The following NWD2 variants were observed in gnomAD, a reference collection of about 807,000 sequenced individuals.
NWD2 encodes the protein NACHT and WD repeat domain containing 2.
NWD2 carries 37 observed loss-of-function variants against 132.7 expected under a neutral mutation model. That is an observed-to-expected ratio of 0.28 (90% CI 0.21 to 0.37). The LOEUF is 0.37. NWD2 is among the 10% of genes least tolerant of loss of function. The pLI is 1.00. For synonymous variants in NWD2, 705 were observed against 803.0 expected (o/e 0.88, Z 2.06); for missense variants, 1,592 against 2,122.4 (o/e 0.75, Z 4.91).
chr4:37,365,702 T>A (rs1221227703), intron 3 of NWD2, among the ~76,000 whole-genome samples: 2 of 152,210 alleles, frequency 1.3e-5, no homozygotes, highest in African/African-American at 4.8e-5. Flanking sequence ...CAGTATTTAA[T>A]TGTCTGGTGA....
At chr4:37,415,263 C>T (rs962813201) in intron 3 of NWD2, among the ~76,000 whole-genome samples, 6 of 152,192 alleles carry the variant, frequency 3.9e-5, no homozygotes, top group Non-Finnish European at 7.3e-5. Context: ...ACCTCTCTCA[C>T]TCTCAGATCT....
At chr4:37,352,415 C>G (rs1246691537) in intron 2 of NWD2, among the ~76,000 whole-genome samples, 3 of 151,260 alleles carry the variant, frequency 2.0e-5, no homozygotes, top group African/African-American at 7.3e-5. Context: ...CCTGAATATT[C>G]TTGCTAATTT....
intron 1 of NWD2, among the ~76,000 whole-genome samples, chr4:37,318,065 A>C (rs1577666292): frequency 1.6e-5 from 2 of 125,862 alleles, no homozygotes; most frequent in African/African-American, 3.0e-5. Context: ...CTTGTCTGTC[A>C]CCCAACCTGT....
At chr4:37,406,195 G>A (rs720438) in intron 3 of NWD2, among the ~76,000 whole-genome samples, 23,013 of 152,184 alleles carry the variant, frequency 0.15, 2,223 homozygotes, top group Admixed American at 0.2. Context: ...TGCAGAGTAA[G>A]TGATATTAGA....
chr4:37,434,514 T>C (rs373463017), intron 5 of NWD2, among the ~76,000 whole-genome samples: 323 of 152,114 alleles, frequency 2.1e-3, no homozygotes, highest in African/African-American at 7.4e-3. Flanking sequence ...GTATCAAAAG[T>C]GATTGATAAG....
At chr4:37,290,347 C>G (rs892912996) in intron 1 of NWD2, among the ~76,000 whole-genome samples, 2 of 152,168 alleles carry the variant, frequency 1.3e-5, no homozygotes, top group African/African-American at 4.8e-5. Context: ...GTAGATAGCC[C>G]TGTGCCAGGC....
chr4:37,381,864 G>A (rs1720460912), intron 3 of NWD2, among the ~76,000 whole-genome samples: 2 of 152,208 alleles, frequency 1.3e-5, no homozygotes, highest in Non-Finnish European at 2.9e-5. Context: ...CAACTATGAA[G>A]TAGTTAAGTC....
intron 3 of NWD2, among the ~76,000 whole-genome samples, chr4:37,365,136 G>A (rs865848872): frequency 5.3e-5 from 8 of 152,002 alleles, no homozygotes; most frequent in African/African-American, 1.9e-4. Context: ...ATAATTTTTA[G>A]TAAAAGAAAA....
intron 2 of NWD2, among the ~76,000 whole-genome samples, chr4:37,336,104 T>C (rs191798559): frequency 6.6e-6 from 1 of 152,244 alleles, no homozygotes; most frequent in Admixed American, 6.5e-5. Flanking sequence ...TATGCTCAAG[T>C]CTTTTTAGCT....
At chr4:37,384,840 G>A (rs1720527867) in intron 3 of NWD2, among the ~76,000 whole-genome samples, 1 of 152,132 alleles carries the variant, frequency 6.6e-6, no homozygotes, top group South Asian at 2.1e-4. Context: ...CATAAAAATA[G>A]CCATTCATCT....
intron 1 of NWD2, among the ~76,000 whole-genome samples, chr4:37,275,089 G>A (rs1043799274): frequency 1.3e-5 from 2 of 152,148 alleles, no homozygotes; most frequent in Non-Finnish European, 2.9e-5. Context: ...GGGCAACCAG[G>A]CAGGAGAAGG....
At chr4:37,364,860 A>C (rs1720064758) in intron 3 of NWD2, among the ~76,000 whole-genome samples, 1 of 152,170 alleles carries the variant, frequency 6.6e-6, no homozygotes, top group African/African-American at 2.4e-5. Flanking sequence ...CTACATTTTG[A>C]ACGGGGCCAT....
intron 3 of NWD2, among the ~76,000 whole-genome samples, chr4:37,388,714 T>TC (rs1720622406): frequency 6.8e-6 from 1 of 147,332 alleles, no homozygotes; most frequent in African/African-American, 2.5e-5. Context: ...GATATATAAA[T>TC]ATATATATCA....
intron 3 of NWD2, among the ~76,000 whole-genome samples, chr4:37,385,412 C>G (rs548904095): frequency 2.0e-5 from 3 of 152,136 alleles, no homozygotes; most frequent in Non-Finnish European, 4.4e-5. Flanking sequence ...CCCTGACATA[C>G]CCTCCTATAA....
intron 2 of NWD2, among the ~76,000 whole-genome samples, chr4:37,342,296 G>C (rs1044912361): frequency 6.6e-6 from 1 of 152,044 alleles, no homozygotes; most frequent in African/African-American, 2.4e-5. Flanking sequence ...CTCATTATGT[G>C]ACTCACTTGC....
In NWD2 at chr4:37,277,176, A is replaced by G. The variant is rs1443905375; in HGVS notation, c.151+31958A>G. On this transcript the variant is annotated intron_variant, in intron 1 of 6. Transcript: ENST00000309447. ...GCCATTAATTGTACCGATCCTCTGC[A>G]GTATGAGATGTTTTGCTTTTCTTTG... Among the ~76,000 whole-genome samples, 3 of 150,354 alleles carry G rather than the reference A, an allele frequency of 2.0e-5. No homozygotes were observed. The South Asian group carries it at 6.3e-4, about 31-fold the overall frequency.
At chr4:37,321,545 C>T (rs1438086175) in intron 1 of NWD2, among the ~76,000 whole-genome samples, 1 of 152,136 alleles carries the variant, frequency 6.6e-6, no homozygotes, top group Non-Finnish European at 1.5e-5. Flanking sequence ...ATGTATAAAA[C>T]ATAAATTAAG....
intron 3 of NWD2, among the ~76,000 whole-genome samples, chr4:37,422,985 T>A (rs74540594): frequency 1.3e-5 from 1 of 79,486 alleles, no homozygotes; most frequent in East Asian, 3.1e-4. Flanking sequence ...AGGAAATTGA[T>A]TTTTTTTTTT....
intron 2 of NWD2, among the ~76,000 whole-genome samples, chr4:37,342,682 G>T (rs1297839774): frequency 6.6e-6 from 1 of 152,150 alleles, no homozygotes; most frequent in Non-Finnish European, 1.5e-5. Flanking sequence ...TTCATAGATA[G>T]AGGTCCTGCC....
Sources: allele counts gnomAD v4.1 joint callset (sites outside exome capture counted in the v4.1 genomes callset), GRCh38; gene constraint gnomAD v4.1.1; transcripts MANE v1.5; gene names NCBI Gene and HGNC (gene_info 2026-07-23, HGNC 2026-07-21).